Variants in EPHB2 observed in about 807,000 individuals in gnomAD.
The protein encoded by EPHB2 is ephrin type-B receptor 2.
EPHB2 carries 18 observed loss-of-function variants against 96.4 expected under a neutral mutation model. The ratio of observed to expected loss-of-function variants is 0.19; its 90% CI spans 0.13 to 0.28. The LOEUF is 0.28. Ranked by LOEUF, EPHB2 falls within the 10% of genes least tolerant of loss-of-function variation. The probability of loss-of-function intolerance (pLI) is 1.00; values close to 1 mark genes in which losing one functional copy is unlikely to be tolerated. For synonymous variants in EPHB2, 506 were observed against 534.1 expected (o/e 0.95, Z 0.72); for missense variants, 989 against 1,355.4 (o/e 0.73, Z 4.25).
intron 2 of EPHB2, among the ~76,000 whole-genome samples, chr1:22,782,109 G>A (rs934369803): frequency 1.3e-5 from 2 of 152,134 alleles, no homozygotes; most frequent in South Asian, 2.1e-4. Flanking sequence ...AGACTGTGGG[G>A]TCAAATACTC....
At chr1:22,761,230 C>T (rs1342233511) in intron 1 of EPHB2, among the ~76,000 whole-genome samples, 3 of 152,132 alleles carry the variant, frequency 2.0e-5, no homozygotes, top group Non-Finnish European at 4.4e-5. Flanking sequence ...CCCTGTGCCA[C>T]CACCAAATGA....
intron 3 of EPHB2, among the ~76,000 whole-genome samples, chr1:22,850,369 G>A (rs1317205545): frequency 3.3e-5 from 5 of 152,218 alleles, no homozygotes; most frequent in African/African-American, 9.6e-5. Flanking sequence ...GGACCCGCAC[G>A]TGGGGCGGTT....
intron 3 of EPHB2, among the ~76,000 whole-genome samples, chr1:22,788,543 C>T (rs1444460873): frequency 2.0e-5 from 3 of 152,218 alleles, no homozygotes; most frequent in African/African-American, 4.8e-5. Flanking sequence ...TTCCAGCTCA[C>T]ATCCAAGTAA....
chr1:22,865,224 C>G lies in EPHB2; in HGVS notation c.1303+12C>G. On this transcript the variant is annotated intron_variant, in intron 5 of 15. Transcript: ENST00000374630. ...CACCAACCAGGCAGGTAAGTGCTTC[C>G]GACGTGGGCCAGGGGAGTGCCCCAT... The G allele has an allele frequency of 2.5e-6, 4 of 1,614,150 alleles. No individual in the cohort carries two copies. The highest frequency in any genetic ancestry group is 3.4e-6 in the Non-Finnish European group (4 of 1,180,026).
Position 22,858,215 on chromosome 1 carries a change from G to A in EPHB2, c.812-4822G>A, listed in dbSNP as rs113772958. ...GCATTCGATGACCACAGGCAGGAGC[G>A]CAGTGAGTGAGAGGAGGAGGGGGAA... On this transcript the variant is annotated intron_variant, in intron 3 of 15. Coordinates refer to ENST00000374630, the MANE Select transcript of EPHB2 (RefSeq NM_017449.5). The surrounding 1 kb of genome is among the most constrained non-coding windows in gnomAD (Gnocchi z 7.7). Among the ~76,000 whole-genome samples, 865 of 148,254 alleles carry A rather than the reference G, an allele frequency of 5.8e-3. 8 individuals carry two copies. The highest frequency in any genetic ancestry group is 0.02 in the African/African-American group (815 of 41,358).
chr1:22,803,288 A>G (rs796850180), intron 3 of EPHB2, among the ~76,000 whole-genome samples: 4 of 152,086 alleles, frequency 2.6e-5, no homozygotes, highest in Non-Finnish European at 4.4e-5. Context: ...GTTGGCAGCC[A>G]CTGGATGTTC....
At chr1:22,815,225 C>T (rs563927779) in intron 3 of EPHB2, among the ~76,000 whole-genome samples, 9 of 152,046 alleles carry the variant, frequency 5.9e-5, no homozygotes, top group South Asian at 4.2e-4. Context: ...CTTAGCCCGC[C>T]GCCCTTGGAA....
At chr1:22,775,582 C>T (rs953122036) in intron 1 of EPHB2, among the ~76,000 whole-genome samples, 15 of 152,270 alleles carry the variant, frequency 9.9e-5, no homozygotes, top group African/African-American at 3.4e-4. Context: ...CCAACGCTAA[C>T]GACTTCAGTG....
chr1:22,893,450 C>T (rs968846372), intron 7 of EPHB2, among the ~76,000 whole-genome samples: 1 of 152,180 alleles, frequency 6.6e-6, no homozygotes, highest in Non-Finnish European at 1.5e-5. Context: ...AAGCTGCATC[C>T]GAGTTCAGCA....
intron 1 of EPHB2, among the ~76,000 whole-genome samples, chr1:22,742,641 G>A (rs1044928691): frequency 2.0e-5 from 3 of 151,938 alleles, no homozygotes; most frequent in Non-Finnish European, 4.4e-5. Flanking sequence ...TGAGTAGCTA[G>A]GACTAAAGGT....
chr1:22,762,081 G>GCCCAGCCTGCCTCCCCCTCCT (rs1553161988), intron 1 of EPHB2, among the ~76,000 whole-genome samples: 10 of 152,164 alleles, frequency 6.6e-5, no homozygotes, highest in African/African-American at 2.4e-4. Flanking sequence ...TGTGGCAGAC[G>GCCCAGCCTGCCTCCCCCTCCT]CCCAGCCTGC....
chr1:22,896,487 A>T lies in EPHB2; in HGVS notation c.1765+9A>T. 1 of 1,614,152 alleles carries T rather than the reference A, an allele frequency of 6.2e-7. No homozygotes were observed. The highest frequency in any genetic ancestry group is 8.5e-7 in the Non-Finnish European group (1 of 1,180,024). ...CTACACCAGTGGCCACAGTATGTAC[A>T]CACCCAAGCGGGCTGGAACCCTTGG... On this transcript the variant is annotated intron_variant, in intron 9 of 15. Transcript: ENST00000374630.
At chr1:22,801,310 G>A (rs1644839692) in intron 3 of EPHB2, among the ~76,000 whole-genome samples, 1 of 152,086 alleles carries the variant, frequency 6.6e-6, no homozygotes, top group Non-Finnish European at 1.5e-5. Context: ...GAGGAGCTTT[G>A]GGAAGGGACA....
At chr1:22,824,150 G>A (rs1418312879) in intron 3 of EPHB2, among the ~76,000 whole-genome samples, 1 of 152,132 alleles carries the variant, frequency 6.6e-6, no homozygotes, top group Non-Finnish European at 1.5e-5. Flanking sequence ...AAAATCATCA[G>A]TGGATGGGAG....
At chr1:22,726,868 C>T (rs987584386) in intron 1 of EPHB2, among the ~76,000 whole-genome samples, 1 of 152,100 alleles carries the variant, frequency 6.6e-6, no homozygotes, top group African/African-American at 2.4e-5. Flanking sequence ...CAGCCTGTGC[C>T]GTCAGGATGG....
At chr1:22,870,695 G>C (rs1361312860) in intron 5 of EPHB2, among the ~76,000 whole-genome samples, 2 of 152,192 alleles carry the variant, frequency 1.3e-5, no homozygotes, top group Admixed American at 6.5e-5. Flanking sequence ...CCCGGACACA[G>C]CCTAAGCCCT....
intron 1 of EPHB2, among the ~76,000 whole-genome samples, chr1:22,735,827 A>C (rs1643814692): frequency 1.3e-5 from 2 of 152,182 alleles, no homozygotes; most frequent in Non-Finnish European, 2.9e-5. Context: ...CCCAGAGAGC[A>C]GGACTGAGGG....
At chr1:22,857,906 C>A (rs528701778) in intron 3 of EPHB2, among the ~76,000 whole-genome samples, 1 of 152,316 alleles carries the variant, frequency 6.6e-6, no homozygotes, top group African/African-American at 2.4e-5. Context: ...GCTCCTCCTC[C>A]CCTTTCCAGG....
At chr1:22,845,719 C>T (rs1645531885) in intron 3 of EPHB2, among the ~76,000 whole-genome samples, 1 of 152,140 alleles carries the variant, frequency 6.6e-6, no homozygotes, top group South Asian at 2.1e-4. Context: ...TACACACACA[C>T]ACCCACACAC....
Sources: gnomAD v4.1 joint callset for allele counts (sites outside exome capture counted in the v4.1 genomes callset) on GRCh38, gnomAD v4.1.1 for gene constraint, Gnocchi (gnomAD v3.1) non-coding constraint, MANE v1.5 for transcripts, NCBI Gene and HGNC (gene_info 2026-07-23, HGNC 2026-07-21) for gene names.